VAV3: variants seen among roughly 807,000 people sequenced by gnomAD.
VAV3 encodes the protein guanine nucleotide exchange factor VAV3.
In VAV3, 94 loss-of-function variants were observed where a neutral mutation model predicts 131.2. The ratio of observed to expected loss-of-function variants is 0.72; its 90% CI spans 0.61 to 0.85. The LOEUF (loss-of-function observed/expected upper bound fraction) is 0.85. Ranked by LOEUF, VAV3 falls within the 40% of genes least tolerant of loss-of-function variation. VAV3 has a pLI of 0.00. For synonymous variants in VAV3, 349 were observed against 342.0 expected, an observed-to-expected ratio of 1.02 and a Z score of -0.22; for missense variants, 939 against 1,002.7, an observed-to-expected ratio of 0.94 and a Z score of 0.86.
intron 19 of VAV3, among the ~76,000 whole-genome samples, chr1:107,679,608 T>A (rs778304865): frequency 5.9e-5 from 9 of 152,158 alleles, no homozygotes; most frequent in Non-Finnish European, 1.0e-4. Flanking sequence ...GTATACAGAT[T>A]TGCCACATGC....
intron 19 of VAV3, among the ~76,000 whole-genome samples, chr1:107,645,595 C>A (rs1655680056): frequency 6.6e-6 from 1 of 152,038 alleles, no homozygotes; most frequent in Non-Finnish European, 1.5e-5. Flanking sequence ...GGCACCATTA[C>A]ATTGCTAAGA....
intron 2 of VAV3, among the ~76,000 whole-genome samples, chr1:107,790,023 A>T (rs190916844): frequency 6.6e-5 from 10 of 152,328 alleles, no homozygotes; most frequent in African/African-American, 2.2e-4. Flanking sequence ...AAACAGATGC[A>T]CACTGGCTAG....
At chr1:107,939,505 A>T (rs1041088247) in intron 1 of VAV3, among the ~76,000 whole-genome samples, 6 of 152,206 alleles carry the variant, frequency 3.9e-5, no homozygotes, top group Non-Finnish European at 7.3e-5. Flanking sequence ...CATGAGGGTA[A>T]ACAACCAATA....
intron 19 of VAV3, among the ~76,000 whole-genome samples, chr1:107,663,831 T>C (rs1041841415): frequency 1.3e-5 from 2 of 152,202 alleles, no homozygotes; most frequent in African/African-American, 4.8e-5. Flanking sequence ...TAGAGACAAA[T>C]GATTTTCACT....
At chr1:107,585,808 C>T (rs1477260393) in intron 25 of VAV3, among the ~76,000 whole-genome samples, 1 of 152,078 alleles carries the variant, frequency 6.6e-6, no homozygotes, top group Non-Finnish European at 1.5e-5. Flanking sequence ...CATTGTCCTA[C>T]TGCTGAGGTG....
intron 2 of VAV3, among the ~76,000 whole-genome samples, chr1:107,794,172 C>T (rs912635422): frequency 2.6e-5 from 4 of 152,216 alleles, no homozygotes; most frequent in Admixed American, 2.6e-4. Context: ...GTAGGACATG[C>T]CACATCAAGT....
chr1:107,668,584 C>T, intron 19 of VAV3: 1 of 952,540 alleles, frequency 1.0e-6, no homozygotes, highest in Non-Finnish European at 1.2e-6. Flanking sequence ...GATGAATTTG[C>T]AGTCATGGAG....
intron 1 of VAV3, among the ~76,000 whole-genome samples, chr1:107,957,392 C>G (rs1674869873): frequency 6.6e-6 from 1 of 152,170 alleles, no homozygotes; most frequent in Admixed American, 6.5e-5. Context: ...CAATCCACCC[C>G]TCTCTATTGT....
chr1:107,675,969 T>C (rs1325070661), intron 19 of VAV3, among the ~76,000 whole-genome samples: 1 of 152,280 alleles, frequency 6.6e-6, no homozygotes, highest in East Asian at 1.9e-4. Context: ...ACATCAACCA[T>C]TTTGGATACC....
At chr1:107,678,889 C>T (rs2504470) in intron 19 of VAV3, among the ~76,000 whole-genome samples, 95,699 of 151,794 alleles carry the variant, frequency 0.63, 30,938 homozygotes, top group African/African-American at 0.77. Flanking sequence ...CACTGCTATA[C>T]GTAATAAATC....
chr1:107,941,515 C>T (rs1326096990), intron 1 of VAV3, among the ~76,000 whole-genome samples: 3 of 152,116 alleles, frequency 2.0e-5, no homozygotes, highest in Admixed American at 6.5e-5. Flanking sequence ...CAACATCCTT[C>T]GGGGCCTGTG....
intron 19 of VAV3, among the ~76,000 whole-genome samples, chr1:107,664,354 C>T (rs958400785): frequency 6.8e-6 from 1 of 146,990 alleles, no homozygotes; most frequent in African/African-American, 2.6e-5. Flanking sequence ...TCCCCAACCC[C>T]CCACAAAAGG....
At chr1:107,596,076 T>C in intron 25 of VAV3, 136 bp downstream of exon 25, 1 of 1,170,970 alleles carries the variant, frequency 8.5e-7, no homozygotes, top group Non-Finnish European at 1.2e-6. Flanking sequence ...TCTGCTTAAC[T>C]CCAGAAAAGA....
intron 2 of VAV3, among the ~76,000 whole-genome samples, chr1:107,785,084 G>A (rs895121274): frequency 1.3e-5 from 2 of 152,202 alleles, no homozygotes; most frequent in Admixed American, 1.3e-4. Flanking sequence ...TGGTGATATT[G>A]TACACTGATA....
At chr1:107,636,047 T>C (rs1654906556) in intron 20 of VAV3, among the ~76,000 whole-genome samples, 1 of 152,214 alleles carries the variant, frequency 6.6e-6, no homozygotes, top group Non-Finnish European at 1.5e-5. Flanking sequence ...TAAAAATGCA[T>C]AGTGAACATT....
intron 9 of VAV3, among the ~76,000 whole-genome samples, chr1:107,761,360 T>A (rs1664410386): frequency 7.2e-6 from 1 of 139,584 alleles, no homozygotes. Context: ...GTCACTGCAC[T>A]CCAGCCTGGG....
At chr1:107,631,161 TTG>T (rs1654444771) in intron 20 of VAV3, among the ~76,000 whole-genome samples, 1 of 152,132 alleles carries the variant, frequency 6.6e-6, no homozygotes, top group African/African-American at 2.4e-5. Flanking sequence ...CTATTTTTTT[TTG>T]AGACATAAAA....
intron 20 of VAV3, among the ~76,000 whole-genome samples, chr1:107,619,852 A>G (rs1384423988): frequency 2.0e-5 from 3 of 152,172 alleles, no homozygotes; most frequent in Non-Finnish European, 2.9e-5. Flanking sequence ...ATGTTGGCCA[A>G]TGTAATGCTA....
chr1:107,951,089 T>C (rs1265144259), intron 1 of VAV3, among the ~76,000 whole-genome samples: 2 of 151,276 alleles, frequency 1.3e-5, no homozygotes, highest in East Asian at 2.0e-4. Flanking sequence ...CCAGTACTAA[T>C]GTTATTAAGG....
Sources: gnomAD v4.1 joint callset for allele counts (sites outside exome capture counted in the v4.1 genomes callset) on GRCh38, gnomAD v4.1.1 for gene constraint, MANE v1.5 for transcripts, NCBI Gene and HGNC (gene_info 2026-07-23, HGNC 2026-07-21) for gene names.